The following STK36 variants were observed in gnomAD, a reference collection of about 807,000 sequenced individuals.
STK36 encodes serine/threonine kinase 36, also known as serine/threonine-protein kinase 36.
In STK36, 116 loss-of-function variants were observed where a neutral mutation model predicts 142.2. That is an observed-to-expected ratio of 0.82 (90% CI 0.70 to 0.95). STK36 has a LOEUF of 0.95. Among genes scored for constraint, STK36 ranks in the 40% least tolerant of loss-of-function variants. The pLI is 0.00. For missense variants in STK36, 1,422 were observed against 1,617.2 expected (o/e 0.88, Z 2.07); for synonymous variants, 619 against 641.7 (o/e 0.96, Z 0.53).
rs1421762443 is a variant in STK36 at position 218,680,051 on chromosome 2, A to G, written c.1107A>G (p.Ser369=). 1 of 1,614,170 alleles carries G rather than the reference A, an allele frequency of 6.2e-7. No individual in the cohort carries two copies. The highest frequency in any genetic ancestry group is 1.7e-5 in the Admixed American group (1 of 60,014). The stretch of plus-strand genomic sequence containing the variant: ...AATTGAAGAGCAGCTGGGCTAAATC[A>G]GGGACTGGAGAGGTGCCCTCTGCAC... The part of the protein sequence containing the change: ...ASELKSSWAK[S]GTGEVPSAPR... Residue 369 remains serine (S), a synonymous_variant, in exon 9 of 27, where the codon TCA becomes TCG. Transcript: ENST00000295709.
rs372830079 is a variant in STK36, at chr2:218,672,929, G to C, written c.84+16G>C. Reference sequence around the variant, plus strand: ...CAGTGCTCAGGTGTTGCACAAAGAGGGATACCTTTTGGGTGGGATTTGGTA... The same window carrying C: ...CAGTGCTCAGGTGTTGCACAAAGAGCGATACCTTTTGGGTGGGATTTGGTA... On this transcript the variant is annotated intron_variant, in intron 2 of 26. Coordinates refer to ENST00000295709, the MANE Select transcript of STK36 (RefSeq NM_015690.5). 5.0e-6 allele frequency: 8 copies of C among 1,612,836 alleles called. No individual in the cohort carries two copies. In the African/African-American group the frequency reaches 9.3e-5, roughly 19 times the overall value.
At chr2:218,692,330 C>T (rs1280813736) in intron 15 of STK36, 37 bp downstream of exon 15, 9 of 1,611,858 alleles carry the variant, frequency 5.6e-6, no homozygotes, top group Non-Finnish European at 7.6e-6. Context: ...TCTTGACTTA[C>T]TTGTTGCATA....
At position 218,680,682 on chromosome 2, in the gene STK36, G is replaced by A; in HGVS notation, c.1216G>A (p.Val406Ile). 6.2e-7 allele frequency: 1 copy of A among 1,612,912 alleles called. No individual in the cohort carries two copies. ...GGTGCTGGGCCAGCGGAGCACTGAT[G>A]TAGTGGACCTGGAAAATGAGGTGAG... Reference protein sequence around the residue: ...PEVLGQRSTDVVDLENEEPDS... With the variant: ...PEVLGQRSTDIVDLENEEPDS... Residue 406 changes from valine to isoleucine, a missense_variant, in exon 10 of 27, where the codon GTA becomes ATA. Coordinates refer to ENST00000295709, the MANE Select transcript of STK36 (RefSeq NM_015690.5).
rs773124165 is a variant in STK36, at chr2:218,697,541, A to C, written c.2840A>C (p.His947Pro). The change falls in exon 24 of 27, where the codon CAT becomes CCT. Residue 947 changes from histidine (H) to proline (P), a missense_variant. Physicochemically the swap from His to Pro is moderately conservative, Grantham distance 77. This residue lies in a region of STK36 where 962 missense variants were observed against 1,167.5 expected (regional missense o/e 0.82). Coordinates refer to ENST00000295709, the MANE Select transcript of STK36 (RefSeq NM_015690.5). ...TTATGCCTGAGCTGCCTGTCCCAGC[A>C]TGGAAGTATCCTCATGTCCATCCTG... ...PQLCLSCLSQ[H>P]GSILMSILKH... The C allele has an allele frequency of 1.9e-6, 3 of 1,614,202 alleles. No individual in the cohort carries two copies. In the South Asian group the frequency reaches 3.3e-5, roughly 18 times the overall value.
At chr2:218,684,958 ATCTGTGCTAAAGGGGTCACTGGC>A in intron 10 of STK36, 104 bp from the exon 11 acceptor site, 1 of 1,177,342 alleles carries the variant, frequency 8.5e-7, no homozygotes, top group Middle Eastern at 2.7e-4. Flanking sequence ...GAAGATATAC[ATCTGTGCTAAAGGGGTCACTGGC>A]TCCTTGCAGT....
In STK36 at chr2:218,672,921, A is replaced by G. The variant is rs1940054413; in HGVS notation, c.84+8A>G. 1.2e-6 allele frequency: 2 copies of G among 1,613,650 alleles called. No homozygotes were observed. The highest frequency in any genetic ancestry group is 1.7e-5 in the Admixed American group (1 of 59,992). ...AGAAAATACAGTGCTCAGGTGTTGC[A>G]CAAAGAGGGATACCTTTTGGGTGGG... On this transcript the variant is annotated splice_region_variant and intron_variant, in intron 2 of 26. Transcript: ENST00000295709.
In STK36 at chr2:218,697,766, G is replaced by C. The variant is rs937027677; in HGVS notation, c.2910-88G>C. ...AGTAGTGGCTGAGACTGTAGAAGGG[G>C]AGTTGGGCAAAGGAATTGGAGGAGG... is the stretch of plus-strand genomic sequence containing the variant. On this transcript the variant is annotated intron_variant, in intron 24 of 26. Transcript: ENST00000295709. 1.9e-6 allele frequency: 3 copies of C among 1,601,872 alleles called. No homozygotes were observed. The African/African-American group carries it at 4.0e-5, about 21-fold the overall frequency.
rs913100238 is a variant in STK36, at chr2:218,676,201, A to G, written c.607A>G (p.Thr203Ala). Residue 203 changes from threonine (T) to alanine (A), a missense_variant, in exon 6 of 27, where the codon ACA becomes GCA. Physicochemically the swap from Thr to Ala is moderately conservative, Grantham distance 58. Coordinates refer to ENST00000295709, the MANE Select transcript of STK36 (RefSeq NM_015690.5). ...AGTAGGCACCCCTCCCTTCTATGCTACAAGCATCTTTCAGCTGGTCAGCCT... is the reference window on the plus strand; with the variant it reads ...AGTAGGCACCCCTCCCTTCTATGCTGCAAGCATCTTTCAGCTGGTCAGCCT... ...LAVGTPPFYATSIFQLVSLIL... is the reference protein window; with the variant it reads ...LAVGTPPFYAASIFQLVSLIL... 1.9e-6 allele frequency: 3 copies of G among 1,613,998 alleles called. No homozygotes were observed. The highest frequency in any genetic ancestry group is 2.2e-5 in the East Asian group (1 of 44,894).
rs1941106387 is a variant in STK36, at chr2:218,693,756, C to T, written c.2182C>T (p.Leu728=). The T allele has an allele frequency of 6.2e-7, 1 of 1,614,158 alleles. No individual in the cohort carries two copies. Among genetic ancestry groups the T allele is most frequent in the Admixed American group, 1.7e-5 (1 of 60,026 alleles). Residue 728 remains leucine (L), a synonymous_variant, in exon 18 of 27, where the codon CTG becomes TTG. Transcript: ENST00000295709. ...CTCCTGCTGCCTTGTCAGTGAGGGC[C>T]TGTGCCGTCTTCTGGGGCAGGAGCC... ...LYSCCLVSEG[L]CRLLGQEPLA...
chr2:218,677,274 A>G (rs1174122685), intron 6 of STK36, among the ~76,000 whole-genome samples: 1 of 152,208 alleles, frequency 6.6e-6, no homozygotes, highest in African/African-American at 2.4e-5. Context: ...GTGAAAATTC[A>G]TTCACTATCA....
In STK36 at chr2:218,693,768, C is replaced by A. The variant is rs763272842; in HGVS notation, c.2194C>A (p.Leu732Met). The A allele has an allele frequency of 6.2e-7, 1 of 1,614,136 alleles. No individual in the cohort carries two copies. The highest frequency in any genetic ancestry group is 2.2e-5 in the East Asian group (1 of 44,886). Residue 732 changes from leucine to methionine, a missense_variant, in exon 18 of 27, where the codon CTG (leucine) becomes ATG (methionine). Leu to Met is a conservative substitution (Grantham distance 15, BLOSUM62 2). Coordinates refer to ENST00000295709, the MANE Select transcript of STK36 (RefSeq NM_015690.5). ...TGTCAGTGAGGGCCTGTGCCGTCTT[C>A]TGGGGCAGGAGCCCCTGGCCTTGGA... is the stretch of plus-strand genomic sequence containing the variant. ...CLVSEGLCRLLGQEPLALESL... is the reference protein window; with the variant it reads ...CLVSEGLCRLMGQEPLALESL...
Position 218,675,346 on chromosome 2 carries a change from C to G in STK36, c.307C>G (p.Gln103Glu), listed in dbSNP as rs757933817. ...DDGKLPEDQV[Q>E]AIAAQLVSAL... ...CTTCCACCTCTTTAATTTCTAGGTT[C>G]AGGCCATTGCTGCCCAGTTGGTGTC... is the stretch of plus-strand genomic sequence containing the variant. The change falls in exon 5 of 27, where the codon CAG becomes GAG. Residue 103 changes from glutamine to glutamate, a missense_variant. This residue lies in a region of STK36 where 460 missense variants were observed against 449.6 expected (regional missense o/e 1.02). Coordinates refer to ENST00000295709, the MANE Select transcript of STK36 (RefSeq NM_015690.5). 5.6e-6 allele frequency: 9 copies of G among 1,609,724 alleles called. No individual in the cohort carries two copies. Among genetic ancestry groups the G allele is most frequent in the Non-Finnish European group, 7.6e-6 (9 of 1,178,036 alleles).
At position 218,692,533 on chromosome 2, in the gene STK36, T is replaced by G; in HGVS notation, c.1916-50T>G. On this transcript the variant is annotated intron_variant, in intron 15 of 26. Coordinates refer to ENST00000295709, the MANE Select transcript of STK36 (RefSeq NM_015690.5). The stretch of plus-strand genomic sequence containing the variant: ...GTCGGTGAGTACTGGTGCTATTGTC[T>G]AGGGCAAGAGCCTCAGGCCTTTGGA... 3 of 1,575,666 alleles carry G rather than the reference T, an allele frequency of 1.9e-6. No homozygotes were observed. The Admixed American group carries it at 5.2e-5, about 28-fold the overall frequency.
In STK36 at chr2:218,673,885, G is replaced by A; in HGVS notation, c.232G>A (p.Val78Met). Residue 78 changes from valine to methionine, a missense_variant, in exon 4 of 27, where the codon GTG becomes ATG. Transcript: ENST00000295709. ...DSFETDKEVV[V>M]VTDYAEGELF... ...CACTGCCTTCTCTCTGTAGGTGGTG[G>A]TGGTGACAGACTATGCTGAGGGAGA... 6.2e-7 allele frequency: 1 copy of A among 1,614,198 alleles called. No individual in the cohort carries two copies. Among genetic ancestry groups the A allele is most frequent in the Non-Finnish European group, 8.5e-7 (1 of 1,180,042 alleles).
At position 218,679,174 on chromosome 2, in the gene STK36, C is replaced by T. The variant is rs749613505; in HGVS notation, c.691C>T (p.Leu231=). The T allele has an allele frequency of 1.1e-5, 18 of 1,614,102 alleles. No individual in the cohort carries two copies. The South Asian group carries it at 1.6e-4, about 15-fold the overall frequency. ...ATATTTTTTCTCTCTGTAGAACTTC[C>T]TGCAGGGACTGCTCACCAAAGACCC... is the stretch of plus-strand genomic sequence containing the variant. The part of the protein sequence containing the change: ...STISPCFKNF[L]QGLLTKDPRQ... The change falls in exon 7 of 27, where the codon CTG becomes TTG. Residue 231 remains leucine (L), a synonymous_variant. Transcript: ENST00000295709.
intron 21 of STK36, among the ~76,000 whole-genome samples, chr2:218,695,222 C>CTTTTTTTTT (rs531122836): frequency 4.5e-5 from 4 of 88,122 alleles, no homozygotes; most frequent in Non-Finnish European, 8.5e-5. Context: ...ATTGTCATCC[C>CTTTTTTTTT]TTTTTTTTTT....
At chr2:218,683,142 A>T (rs950375847) in intron 10 of STK36, among the ~76,000 whole-genome samples, 3 of 152,118 alleles carry the variant, frequency 2.0e-5, no homozygotes, top group Non-Finnish European at 4.4e-5. Context: ...TTATTCTATC[A>T]CCTGGACAAC....
intron 26 of STK36, 146 bp downstream of exon 26, chr2:218,699,494 T>C (rs1418317193): frequency 1.6e-6 from 2 of 1,283,570 alleles, no homozygotes; most frequent in East Asian, 2.5e-5. Flanking sequence ...TGGAGTGAGT[T>C]TTCTAGTTAC....
intron 10 of STK36, 74 bp downstream of exon 10, chr2:218,680,776 C>G: frequency 7.7e-7 from 1 of 1,298,298 alleles, no homozygotes; most frequent in Non-Finnish European, 1.1e-6. Context: ...TTTTCTAGAA[C>G]AGTGATTCCC....
Sources: gnomAD v4.1 joint callset for allele counts (sites outside exome capture counted in the v4.1 genomes callset) on GRCh38, gnomAD v4.1.1 for gene constraint, gnomAD v4.1.1 regional missense constraint, MANE v1.5 for transcripts, NCBI Gene and HGNC (gene_info 2026-07-23, HGNC 2026-07-21) for gene names.